TAPT1: variants seen among roughly 807,000 people sequenced by gnomAD.
The protein encoded by TAPT1 is transmembrane anterior posterior transformation 1.
In TAPT1, 28 loss-of-function variants were observed where a neutral mutation model predicts 65.6. The ratio of observed to expected loss-of-function variants is 0.43; its 90% CI spans 0.32 to 0.59. The LOEUF (loss-of-function observed/expected upper bound fraction) is 0.59, where lower values mean the gene tolerates loss of function less well. Ranked by LOEUF, TAPT1 falls within the 20% of genes least tolerant of loss-of-function variation. TAPT1 has a pLI of 0.09. For missense variants in TAPT1, 563 were observed against 679.9 expected, an observed-to-expected ratio of 0.83 and a Z score of 1.91; for synonymous variants, 278 against 245.2, an observed-to-expected ratio of 1.13 and a Z score of -1.25.
At chr4:16,166,472 G>C in intron 13 of TAPT1, among the ~76,000 whole-genome samples, 161 bp downstream of exon 13, 2 of 151,170 alleles carry the variant, frequency 1.3e-5, no homozygotes, top group South Asian at 2.1e-4. Flanking sequence ...CAGAACACTG[G>C]GCCAGGTATA....
intron 12 of TAPT1, among the ~76,000 whole-genome samples, chr4:16,169,931 C>T (rs1018045480): frequency 2.0e-5 from 3 of 152,162 alleles, no homozygotes; most frequent in Non-Finnish European, 4.4e-5. Flanking sequence ...GATTCAAGTT[C>T]GAACCCTCTC....
intron 3 of TAPT1, among the ~76,000 whole-genome samples, chr4:16,201,543 AG>A (rs1301940716): frequency 6.6e-6 from 1 of 152,226 alleles, no homozygotes; most frequent in Non-Finnish European, 1.5e-5. Context: ...AATGCTGTGA[AG>A]AGTGACTATA....
In TAPT1 at chr4:16,194,859, GTCTTCTTCTTCTTCTTCT is replaced by G. The variant is rs71649940; in HGVS notation, c.450-3354_450-3337del. 4.1e-4 allele frequency among the ~76,000 whole-genome samples: 61 copies of G among 147,002 alleles called. 1 individual carries two copies. The South Asian group carries it at 4.4e-3, about 11-fold the overall frequency. On this transcript the variant is annotated intron_variant, in intron 3 of 13. Transcript: ENST00000405303. Reference sequence around the variant, plus strand: ...TTAAAAAACAAGGGTCTTGATTTCTGTCTTCTTCTTCTTCTTCTTCTTCTTCTTCTTCTTCTTATTTTT... The same window carrying G: ...TTAAAAAACAAGGGTCTTGATTTCTGTCTTCTTCTTCTTCTTCTTATTTTT...
chr4:16,212,249 A>G lies in TAPT1; in HGVS notation c.330+1519T>C, dbSNP rs187232985. On this transcript the variant is annotated intron_variant, in intron 2 of 13. Coordinates refer to ENST00000405303, the MANE Select transcript of TAPT1 (RefSeq NM_153365.3). ...GGAGTTCATAACTACTCAGAAAGAC[A>G]GGAAACAAATTCCCCTGTAGAGGGC... Among the ~76,000 whole-genome samples, 14 of 152,370 alleles carry G rather than the reference A, an allele frequency of 9.2e-5. No homozygotes were observed. In the East Asian group the frequency reaches 2.3e-3, roughly 25 times the overall value.
intron 3 of TAPT1, among the ~76,000 whole-genome samples, chr4:16,199,260 A>T (rs898230976): frequency 2.6e-5 from 4 of 152,224 alleles, no homozygotes; most frequent in African/African-American, 9.6e-5. Context: ...CAGTTAATCC[A>T]AAGCAGAAAT....
At chr4:16,173,693 T>C (rs1409442674) in intron 11 of TAPT1, among the ~76,000 whole-genome samples, 1 of 152,252 alleles carries the variant, frequency 6.6e-6, no homozygotes, top group Non-Finnish European at 1.5e-5. Flanking sequence ...ATTTCGTTTG[T>C]TTCTAACTTT....
At chr4:16,211,641 T>C (rs551848968) in intron 2 of TAPT1, among the ~76,000 whole-genome samples, 2 of 152,364 alleles carry the variant, frequency 1.3e-5, no homozygotes, top group Admixed American at 6.5e-5. Flanking sequence ...TAGAAAATTA[T>C]TACAATTGTG....
At chr4:16,218,987 A>G (rs1751101476) in intron 1 of TAPT1, among the ~76,000 whole-genome samples, 1 of 152,356 alleles carries the variant, frequency 6.6e-6, no homozygotes, top group East Asian at 1.9e-4. Context: ...CTAGATATCC[A>G]AGAATTTTAA....
chr4:16,164,711 G>A (rs188599545), intron 13 of TAPT1, among the ~76,000 whole-genome samples: 1 of 152,246 alleles, frequency 6.6e-6, no homozygotes, highest in South Asian at 2.1e-4. Flanking sequence ...GATTATTAAA[G>A]GCATGTGCCA....
intron 2 of TAPT1, among the ~76,000 whole-genome samples, chr4:16,211,558 G>A (rs1750654960): frequency 6.6e-6 from 1 of 152,150 alleles, no homozygotes; most frequent in Non-Finnish European, 1.5e-5. Flanking sequence ...AGCTTCTTAA[G>A]TATTGTTCTA....
intron 3 of TAPT1, chr4:16,196,604 T>G: frequency 1.0e-6 from 1 of 971,742 alleles, no homozygotes; most frequent in Non-Finnish European, 1.4e-6. Flanking sequence ...CTTTTGCATT[T>G]AATGAATGTC....
chr4:16,191,793 T>C (rs897029814), intron 3 of TAPT1, among the ~76,000 whole-genome samples: 1 of 152,246 alleles, frequency 6.6e-6, no homozygotes, highest in East Asian at 1.9e-4. Context: ...AGGTATCTAC[T>C]GATAGGGTGC....
At chr4:16,210,782 A>C (rs141426940) in intron 2 of TAPT1, among the ~76,000 whole-genome samples, 1 of 152,312 alleles carries the variant, frequency 6.6e-6, no homozygotes, top group East Asian at 1.9e-4. Context: ...TGGACTACAT[A>C]AACAGCAGAA....
At chr4:16,218,764 A>T (rs1165919351) in intron 1 of TAPT1, among the ~76,000 whole-genome samples, 1 of 152,244 alleles carries the variant, frequency 6.6e-6, no homozygotes, top group African/African-American at 2.4e-5. Context: ...TATTAACTTC[A>T]CAAGTACTGT....
In TAPT1 at chr4:16,163,390, T is replaced by TTAAATTCTGAATTA; in HGVS notation, c.1621_1622insTAATTCAGAATTTA (p.Asn541IlefsTer9). On this transcript the variant is annotated frameshift_variant, in exon 14 of 14. Coordinates refer to ENST00000405303, the MANE Select transcript of TAPT1 (RefSeq NM_153365.3). LOFTEE classifies it high-confidence loss of function. ...TGAGGATCTGTGTTTTAATTCAGAATTGTCCTGCGTTATGTCCTTCTCGTC... is the reference window on the plus strand; with the variant it reads ...TGAGGATCTGTGTTTTAATTCAGAATTAAATTCTGAATTATGTCCTGCGTTATGTCCTTCTCGTC... 6.2e-7 allele frequency: 1 copy of TTAAATTCTGAATTA among 1,614,004 alleles called. No individual in the cohort carries two copies. Among genetic ancestry groups the TTAAATTCTGAATTA allele is most frequent in the East Asian group, 2.2e-5 (1 of 44,884 alleles).
intron 11 of TAPT1, among the ~76,000 whole-genome samples, chr4:16,171,870 GA>G (rs1748015322): frequency 6.6e-6 from 1 of 152,128 alleles, no homozygotes; most frequent in East Asian, 1.9e-4. Context: ...ATTTCCATGA[GA>G]CTTTAATACA....
At chr4:16,165,283 C>G (rs1747525547) in intron 13 of TAPT1, among the ~76,000 whole-genome samples, 1 of 151,888 alleles carries the variant, frequency 6.6e-6, no homozygotes, top group Non-Finnish European at 1.5e-5. Context: ...AAAAACACAT[C>G]ATTTAGGCCA....
intron 7 of TAPT1, among the ~76,000 whole-genome samples, chr4:16,182,574 C>T (rs2149683614): frequency 6.6e-6 from 1 of 152,312 alleles, no homozygotes; most frequent in South Asian, 2.1e-4. Context: ...TTCCAACAAA[C>T]ATCCACATTT....
chr4:16,169,003 T>C (rs1747819115), intron 12 of TAPT1, among the ~76,000 whole-genome samples: 1 of 152,266 alleles, frequency 6.6e-6, no homozygotes, highest in South Asian at 2.1e-4. Flanking sequence ...TTTTATTTTT[T>C]TAACTGAAGA....
Sources: gnomAD v4.1 joint callset for allele counts (sites outside exome capture counted in the v4.1 genomes callset) on GRCh38, gnomAD v4.1.1 for gene constraint, MANE v1.5 for transcripts, NCBI Gene and HGNC (gene_info 2026-07-23, HGNC 2026-07-21) for gene names.